The following XIRP2 variants were observed in gnomAD, a reference collection of about 807,000 sequenced individuals.
The protein encoded by XIRP2 is xin actin binding repeat containing 2.
In XIRP2, 236 loss-of-function variants were observed where a neutral mutation model predicts 277.0. That is an observed-to-expected ratio of 0.85 (90% confidence interval 0.77 to 0.95). The LOEUF (loss-of-function observed/expected upper bound fraction) is 0.95. Ranked by LOEUF, XIRP2 falls within the 40% of genes least tolerant of loss-of-function variation. The pLI, the probability that XIRP2 is intolerant of heterozygous loss-of-function variation, is 0.00. For missense variants in XIRP2, 4,640 were observed against 4,157.5 expected, an observed-to-expected ratio of 1.12 and a Z score of -3.19; for synonymous variants, 1,490 against 1,416.5, an observed-to-expected ratio of 1.05 and a Z score of -1.17.
chr2:167,078,332 C>G (rs905158772), intron 2 of XIRP2, among the ~76,000 whole-genome samples: 3 of 152,034 alleles, frequency 2.0e-5, no homozygotes, highest in Admixed American at 2.0e-4. Context: ...GATACTGTGT[C>G]CTGAAACTTC....
intron 2 of XIRP2, among the ~76,000 whole-genome samples, chr2:166,912,569 T>G (rs1017939633): frequency 6.6e-6 from 1 of 152,218 alleles, no homozygotes; most frequent in Non-Finnish European, 1.5e-5. Context: ...TCCTCTAGCT[T>G]GGAGAAGTTT....
chr2:167,092,206 C>T (rs1232075944), intron 2 of XIRP2, among the ~76,000 whole-genome samples: 1 of 152,120 alleles, frequency 6.6e-6, no homozygotes, highest in African/African-American at 2.4e-5. Context: ...TTCTATATAT[C>T]ACAATTATTT....
chr2:167,208,708 A>G (rs1195114377), intron 3 of XIRP2, among the ~76,000 whole-genome samples: 1 of 152,186 alleles, frequency 6.6e-6, no homozygotes, highest in Non-Finnish European at 1.5e-5. Flanking sequence ...AAAAAATGAT[A>G]AAAATCAAAT....
chr2:166,928,441 C>G (rs1482221518), intron 2 of XIRP2, among the ~76,000 whole-genome samples: 1 of 152,074 alleles, frequency 6.6e-6, no homozygotes, highest in Non-Finnish European at 1.5e-5. Flanking sequence ...TTTCATTGAA[C>G]CATTTAATTC....
chr2:166,899,061 C>G (rs150757419), intron 1 of XIRP2, among the ~76,000 whole-genome samples: 1 of 152,146 alleles, frequency 6.6e-6, no homozygotes, highest in East Asian at 1.9e-4. Context: ...CTTCTCCGTT[C>G]CCTCTGTTGT....
chr2:167,137,390 G>C (rs1055610769), intron 3 of XIRP2, among the ~76,000 whole-genome samples: 8 of 152,094 alleles, frequency 5.3e-5, no homozygotes, highest in African/African-American at 1.9e-4. Flanking sequence ...ATGTGCACTT[G>C]GCTGAATGCA....
intron 3 of XIRP2, among the ~76,000 whole-genome samples, chr2:167,165,297 G>A (rs1422639561): frequency 1.3e-5 from 2 of 152,176 alleles, no homozygotes; most frequent in African/African-American, 4.8e-5. Flanking sequence ...ATGTAAACCT[G>A]CTATGAACAT....
chr2:167,177,720 A>G (rs1309762509), intron 3 of XIRP2, among the ~76,000 whole-genome samples: 3 of 152,206 alleles, frequency 2.0e-5, no homozygotes, highest in Admixed American at 6.5e-5. Flanking sequence ...CAAATATCCA[A>G]CTGTTTGACA....
chr2:167,056,889 T>C (rs1203002266), intron 2 of XIRP2, among the ~76,000 whole-genome samples: 2 of 152,088 alleles, frequency 1.3e-5, no homozygotes, highest in African/African-American at 4.8e-5. Context: ...GAAGGTGGAA[T>C]TGGGGATAGG....
At chr2:166,985,558 G>A (rs995786965) in intron 2 of XIRP2, among the ~76,000 whole-genome samples, 1 of 151,780 alleles carries the variant, frequency 6.6e-6, no homozygotes, top group East Asian at 1.9e-4. Flanking sequence ...AGCCTCCCGA[G>A]TAGCTGGGAC....
At chr2:167,039,854 A>G (rs1179674175) in intron 2 of XIRP2, among the ~76,000 whole-genome samples, 2 of 152,230 alleles carry the variant, frequency 1.3e-5, no homozygotes, top group African/African-American at 4.8e-5. Context: ...AAGATTTATA[A>G]CTTTTAACCA....
At position 167,259,239 on chromosome 2, in the gene XIRP2, G is replaced by T. The variant is rs745938661; in HGVS notation, c.*1422G>T. The T allele has an allele frequency of 1.2e-6, 2 of 1,613,378 alleles. No homozygotes were observed. Among genetic ancestry groups the T allele is most frequent in the South Asian group, 2.2e-5 (2 of 91,074 alleles). On this transcript the variant is annotated 3_prime_UTR_variant, in exon 11 of 11. Coordinates refer to ENST00000409195, the MANE Select transcript of XIRP2 (RefSeq NM_152381.6). ...GCTGCCCGCAATAATGAAAACACAGGTTTTGATGCTCTGAGCCATGAATGT... is the reference window on the plus strand; with the variant it reads ...GCTGCCCGCAATAATGAAAACACAGTTTTTGATGCTCTGAGCCATGAATGT...
At chr2:167,013,540 G>T (rs977197783) in intron 2 of XIRP2, among the ~76,000 whole-genome samples, 9 of 151,538 alleles carry the variant, frequency 5.9e-5, no homozygotes, top group South Asian at 4.1e-4. Flanking sequence ...ATTAGAAAGT[G>T]TATGCTAAAT....
chr2:167,056,224 T>C lies in XIRP2; in HGVS notation c.409-79685T>C, dbSNP rs183992403. On this transcript the variant is annotated intron_variant, in intron 2 of 10. Coordinates refer to ENST00000409195, the MANE Select transcript of XIRP2 (RefSeq NM_152381.6). ...TTATTTCTGGGCAGGGACTTAAAAGTAACTGGGGGGAAAATAGGGCATTTT... is the reference window on the plus strand; with the variant it reads ...TTATTTCTGGGCAGGGACTTAAAAGCAACTGGGGGGAAAATAGGGCATTTT... Among the ~76,000 whole-genome samples, 20 of 152,204 alleles carry C rather than the reference T, an allele frequency of 1.3e-4. No individual in the cohort carries two copies. In the East Asian group the frequency reaches 3.7e-3, roughly 28 times the overall value.
chr2:167,118,438 G>A (rs1690956995), intron 2 of XIRP2, among the ~76,000 whole-genome samples: 1 of 150,832 alleles, frequency 6.6e-6, no homozygotes, highest in African/African-American at 2.4e-5. Flanking sequence ...GCCAAGATCG[G>A]GCCACCGCAC....
intron 2 of XIRP2, among the ~76,000 whole-genome samples, chr2:167,011,996 A>T: frequency 6.6e-6 from 1 of 151,542 alleles, no homozygotes; most frequent in African/African-American, 2.4e-5. Flanking sequence ...GCGGTCTATC[A>T]ATTTTGTTGA....
intron 2 of XIRP2, among the ~76,000 whole-genome samples, chr2:167,122,485 G>C (rs754958203): frequency 2.6e-5 from 4 of 152,158 alleles, no homozygotes; most frequent in Non-Finnish European, 5.9e-5. Context: ...CCCTACCCAT[G>C]GTGAATGGTG....
intron 2 of XIRP2, among the ~76,000 whole-genome samples, chr2:167,135,423 A>G (rs16852998): frequency 6.6e-5 from 10 of 152,142 alleles, no homozygotes; most frequent in African/African-American, 1.9e-4. Flanking sequence ...ACTGTATTCA[A>G]TGTATGCTGG....
chr2:167,198,443 G>T (rs1430462911), intron 3 of XIRP2, among the ~76,000 whole-genome samples: 3 of 152,128 alleles, frequency 2.0e-5, no homozygotes, highest in Non-Finnish European at 2.9e-5. Context: ...TGAAAGAGAG[G>T]AATCAAAATG....
Sources: gnomAD v4.1 joint callset for allele counts (sites outside exome capture counted in the v4.1 genomes callset) on GRCh38, gnomAD v4.1.1 for gene constraint, MANE v1.5 for transcripts, NCBI Gene and HGNC (gene_info 2026-07-23, HGNC 2026-07-21) for gene names.